ZNF432: variants seen among roughly 807,000 people sequenced by gnomAD.
ZNF432 encodes zinc finger protein 432.
In ZNF432, 10 loss-of-function variants were observed where a neutral mutation model predicts 13.9. The observed-to-expected ratio is 0.72, with a 90% CI of 0.44 to 1.22. The LOEUF is 1.22. ZNF432 is among the 50% of genes most tolerant of loss of function. ZNF432 has a pLI of 0.00. For synonymous variants in ZNF432, 247 were observed against 256.2 expected, an observed-to-expected ratio of 0.96 and a Z score of 0.34; for missense variants, 793 against 796.2, an observed-to-expected ratio of 1.00 and a Z score of 0.05.
At position 52,034,932 on chromosome 19, in the gene ZNF432, AT is replaced by A; in HGVS notation, c.746del (p.Asn249MetfsTer24). The A allele has an allele frequency of 6.2e-7, 1 of 1,612,710 alleles. No homozygotes were observed. The highest frequency in any genetic ancestry group is 8.5e-7 in the Non-Finnish European group (1 of 1,179,570). On this transcript the variant is annotated frameshift_variant, in exon 5 of 5. Coordinates refer to ENST00000221315, the MANE Select transcript of ZNF432 (RefSeq NM_014650.4). LOFTEE classifies it low-confidence loss of function (END_TRUNC). Reference protein sequence around the residue: ...AKVFSRKSRLNEHQRIHKREK... With the variant: ...AKVFSRKSRLXEHQRIHKREK... ...CTCTTTTATGAATTCTTTGATGTTC[AT>A]TTAGCCTGGACTTTCTGGAGAACAC...
rs144999383 is a variant in ZNF432, at chr19:52,031,768, C to T, written c.*1952G>A. 608 of 152,472 alleles carry T rather than the reference C, an allele frequency of 4.0e-3. 5 individuals are homozygous for T. The highest frequency in any genetic ancestry group is 0.014 in the African/African-American group (584 of 41,558). 9.4% of individuals were successfully genotyped at this position (152,472 alleles called of 1,614,324 possible). ...ATCCCAGCACTTTGGGAGGCTGAGG[C>T]GGGTGGACCGCCCGGGGTCGAGAGT... On this transcript the variant is annotated 3_prime_UTR_variant, in exon 5 of 5. Coordinates refer to ENST00000221315, the MANE Select transcript of ZNF432 (RefSeq NM_014650.4).
Position 52,034,990 on chromosome 19 carries a change from T to C in ZNF432, c.689A>G (p.Glu230Gly), listed in dbSNP as rs1248218968. The C allele has an allele frequency of 6.2e-7, 1 of 1,613,986 alleles. No homozygotes were observed. The highest frequency in any genetic ancestry group is 1.3e-5 in the African/African-American group (1 of 75,032). The change falls in exon 5 of 5, where the codon GAA becomes GGA. Residue 230 changes from glutamate to glycine, a missense_variant. Physicochemically the swap from Glu to Gly is moderately conservative, Grantham distance 98. Transcript: ENST00000221315. Reference protein sequence around the residue: ...LTDHERVHTGEKPYGCTLCAK... With the variant: ...LTDHERVHTGGKPYGCTLCAK... ...ACACAAAGTACATCCATAAGGTTTTTCTCCTGTATGAACTCTCTCATGATC... is the reference window on the plus strand; with the variant it reads ...ACACAAAGTACATCCATAAGGTTTTCCTCCTGTATGAACTCTCTCATGATC...
At chr19:52,040,641 TGAGAG>T in intron 3 of ZNF432, 58 bp from the exon 4 acceptor site, 1 of 1,386,840 alleles carries the variant, frequency 7.2e-7, no homozygotes, top group Non-Finnish European at 1.0e-6. Flanking sequence ...GTATGTAATG[TGAGAG>T]AATGTTACAT....
At position 52,034,481 on chromosome 19, in the gene ZNF432, G is replaced by T. The variant is rs760921474; in HGVS notation, c.1198C>A (p.Pro400Thr). 6.8e-6 allele frequency: 11 copies of T among 1,613,824 alleles called. No homozygotes were observed. The highest frequency in any genetic ancestry group is 9.3e-6 in the Non-Finnish European group (11 of 1,179,950). ...TTTCCACATTCACTGCATATGTAGG[G>T]TTTCTCTCCTGTATGAGTTCGTTGA... Reference protein sequence around the residue: ...EHQRTHTGEKPYICSECGKGF... With the variant: ...EHQRTHTGEKTYICSECGKGF... Residue 400 changes from proline (P) to threonine (T), a missense_variant, in exon 5 of 5, where the codon CCC becomes ACC. Physicochemically the swap from Pro to Thr is conservative, Grantham distance 38. Transcript: ENST00000221315.
rs1364470288 is a variant in ZNF432 at position 52,040,549 on chromosome 19, C to T, written c.177G>A (p.Lys59=). Reference sequence around the variant, plus strand: ...TCCATGGTTCTTCTCCTCGTTCCAACTTGGAGAGTGCATCTGGTTTGCTGA... The same window carrying T: ...TCCATGGTTCTTCTCCTCGTTCCAATTTGGAGAGTGCATCTGGTTTGCTGA... ...YQVSKPDALS[K]LERGEEPWTM... Residue 59 remains lysine (K), a synonymous_variant, in exon 4 of 5, where the codon AAG becomes AAA. Transcript: ENST00000221315. The T allele has an allele frequency of 1.9e-6, 3 of 1,614,018 alleles. No individual in the cohort carries two copies. The highest frequency in any genetic ancestry group is 2.5e-6 in the Non-Finnish European group (3 of 1,180,020).
chr19:52,045,352 CTTT>C (rs11433756), intron 2 of ZNF432, among the ~76,000 whole-genome samples: 1 of 107,536 alleles, frequency 9.3e-6, no homozygotes, highest in Non-Finnish European at 1.8e-5. Flanking sequence ...CTTTTTTTAC[CTTT>C]TTTTTTTTTT....
intron 3 of ZNF432, 73 bp from the exon 4 acceptor site, chr19:52,040,656 T>C: frequency 8.2e-7 from 1 of 1,215,868 alleles, no homozygotes; most frequent in Non-Finnish European, 1.2e-6. Context: ...GAATGTTACA[T>C]TTAAGTAACT....
At chr19:52,047,869 G>GT (rs2087201858) in intron 1 of ZNF432, among the ~76,000 whole-genome samples, 1 of 151,980 alleles carries the variant, frequency 6.6e-6, no homozygotes, top group Admixed American at 6.6e-5. Context: ...AAAATATGCA[G>GT]TACATTTGCA....
intron 4 of ZNF432, 152 bp downstream of exon 4, chr19:52,040,336 T>C (rs1348132175): frequency 8.6e-6 from 6 of 698,324 alleles, no homozygotes; most frequent in Admixed American, 4.1e-5. Context: ...TAAAGGAGAA[T>C]GCAACCTTAA....
At chr19:52,045,085 A>G (rs1346859047) in intron 2 of ZNF432, among the ~76,000 whole-genome samples, 2 of 152,202 alleles carry the variant, frequency 1.3e-5, no homozygotes, top group African/African-American at 4.8e-5. Context: ...CCTGAGCTGC[A>G]TGCAGCCCAC....
rs968292525 is a variant in ZNF432, at chr19:52,032,582, T to C, written c.*1138A>G. 10 of 152,024 alleles carry C rather than the reference T, an allele frequency of 6.6e-5. No homozygotes were observed. The highest frequency in any genetic ancestry group is 2.4e-4 in the African/African-American group (10 of 41,384). The allele number at this position is 152,024 out of a possible 1,614,324, so 9.4% of individuals were successfully genotyped here. A position where few individuals can be genotyped will look rare whatever the true frequency, so the allele number is the denominator to read the frequency against. On this transcript the variant is annotated 3_prime_UTR_variant, in exon 5 of 5. Transcript: ENST00000221315. ...TCCAGAGTAGCTGGGATTACAAGCG[T>C]GAGCCACCATGCTCGGCTAATTTTG...
rs2087039436 is a variant in ZNF432 at position 52,033,805 on chromosome 19, A to G, written c.1874T>C (p.Phe625Ser). ...HQRTHTGEKP[F>S]VCSECRKAFS... The stretch of plus-strand genomic sequence containing the variant: ...GGCTTTTCTACATTCACTGCATACA[A>G]AGGGTTTCTCTCCTGTATGAGTTCG... Residue 625 changes from phenylalanine to serine, a missense_variant, in exon 5 of 5, where the codon TTT becomes TCT. Physicochemically the swap from Phe to Ser is radical, Grantham distance 155 (BLOSUM62 -2). Transcript: ENST00000221315. 1 of 1,613,056 alleles carries G rather than the reference A, an allele frequency of 6.2e-7. No individual in the cohort carries two copies. Among genetic ancestry groups the G allele is most frequent in the Non-Finnish European group, 8.5e-7 (1 of 1,179,766 alleles).
chr19:52,038,835 C>A (rs2087107997), intron 4 of ZNF432, among the ~76,000 whole-genome samples: 1 of 152,250 alleles, frequency 6.6e-6, no homozygotes, highest in Admixed American at 6.5e-5. Context: ...GATCTCTAGG[C>A]CCCTGGAATG....
intron 4 of ZNF432, among the ~76,000 whole-genome samples, chr19:52,038,219 C>G (rs1300302321): frequency 2.0e-5 from 3 of 152,034 alleles, no homozygotes; most frequent in Non-Finnish European, 4.4e-5. Flanking sequence ...TATCACTGAC[C>G]TGTATTTGGC....
rs2087068934 is a variant in ZNF432, at chr19:52,035,315, G to GACA, written c.361_363dup (p.Cys121dup). 6.2e-7 allele frequency: 1 copy of GACA among 1,612,574 alleles called. No homozygotes were observed. Among genetic ancestry groups the GACA allele is most frequent in the African/African-American group, 1.3e-5 (1 of 74,800 alleles). On this transcript the variant is annotated inframe_insertion, in exon 5 of 5. Transcript: ENST00000221315. ...AATGTATCATGATTTTCCCTGAAAA[G>GACA]ACAAAGGCTTTTGGTTTGAGAGGCA...
At chr19:52,039,828 C>CA (rs562794463) in intron 4 of ZNF432, among the ~76,000 whole-genome samples, 5,440 of 51,578 alleles carry the variant, frequency 0.11, 241 homozygotes, top group East Asian at 0.21. Flanking sequence ...GACTCCATCT[C>CA]AAAAAAAAAA....
chr19:52,035,084 G>A lies in ZNF432; in HGVS notation c.595C>T (p.His199Tyr), dbSNP rs776021776. The part of the protein sequence containing the change: ...KSQVSKHQRT[H>Y]EIEKNHVCSE... ...CATACGTGGTTTTTTTCTATTTCAT[G>A]AGTTCTCTGATGCTTACTGACTTGG... The change falls in exon 5 of 5, where the codon CAT (histidine) becomes TAT (tyrosine). Residue 199 changes from histidine to tyrosine, a missense_variant. By Grantham distance (83) the His-to-Tyr change is moderately conservative. Transcript: ENST00000221315. 55 of 1,613,874 alleles carry A rather than the reference G, an allele frequency of 3.4e-5. No homozygotes were observed. The highest frequency in any genetic ancestry group is 5.3e-5 in the African/African-American group (4 of 74,900).
rs2087039861 is a variant in ZNF432 at position 52,033,828 on chromosome 19, T to C, written c.1851A>G (p.Arg617=). The change falls in exon 5 of 5, where the codon CGA becomes CGG. Residue 617 remains arginine (R), a synonymous_variant. Transcript: ENST00000221315. ...CAAAGGGTTTCTCTCCTGTATGAGTTCGTTGATGAACAATTAGACGGCTCT... is the reference window on the plus strand; with the variant it reads ...CAAAGGGTTTCTCTCCTGTATGAGTCCGTTGATGAACAATTAGACGGCTCT... ...TMKSRLIVHQ[R]THTGEKPFVC... 6.2e-7 allele frequency: 1 copy of C among 1,614,046 alleles called. No homozygotes were observed. Among genetic ancestry groups the C allele is most frequent in the Admixed American group, 1.7e-5 (1 of 60,012 alleles).
chr19:52,034,189 T>C lies in ZNF432; in HGVS notation c.1490A>G (p.Asn497Ser). 1 of 1,614,164 alleles carries C rather than the reference T, an allele frequency of 6.2e-7. No homozygotes were observed. Among genetic ancestry groups the C allele is most frequent in the South Asian group, 1.1e-5 (1 of 91,070 alleles). The stretch of plus-strand genomic sequence containing the variant: ...TCGCTGATGTAACATCAGTCCGCTA[T>C]TCACAATGAAACCTTTCCCACATTC... The part of the protein sequence containing the change: ...CSECGKGFIV[N>S]SGLMLHQRTH... Residue 497 changes from asparagine (N) to serine (S), a missense_variant, in exon 5 of 5, where the codon AAT (asparagine) becomes AGT (serine). Coordinates refer to ENST00000221315, the MANE Select transcript of ZNF432 (RefSeq NM_014650.4).
Sources: gnomAD v4.1 joint callset for allele counts (sites outside exome capture counted in the v4.1 genomes callset) on GRCh38, gnomAD v4.1.1 for gene constraint, MANE v1.5 for transcripts, NCBI Gene and HGNC (gene_info 2026-07-23, HGNC 2026-07-21) for gene names.